IKZF2: variants seen among roughly 807,000 people sequenced by gnomAD.
IKZF2 encodes the protein IKAROS family zinc finger 2.
Under a neutral mutation model 49.2 loss-of-function variants are expected in IKZF2, and 15 were observed. The observed-to-expected ratio is 0.30, with a 90% CI of 0.20 to 0.47. IKZF2 has a LOEUF of 0.47. Among genes scored for constraint, IKZF2 ranks in the 20% least tolerant of loss-of-function variants. The pLI is 1.00. For synonymous variants in IKZF2, 227 were observed against 221.4 expected (o/e 1.03, Z -0.23); for missense variants, 567 against 664.6 (o/e 0.85, Z 1.61).
chr2:213,036,447 T>C (rs1376835462), intron 6 of IKZF2, among the ~76,000 whole-genome samples: 1 of 152,192 alleles, frequency 6.6e-6, no homozygotes, highest in Admixed American at 6.5e-5. Context: ...ACTTATCATG[T>C]ACTAGGAAAC....
intron 6 of IKZF2, among the ~76,000 whole-genome samples, chr2:213,023,296 T>C (rs1228625724): frequency 6.6e-6 from 1 of 152,224 alleles, no homozygotes; most frequent in African/African-American, 2.4e-5. Flanking sequence ...AAGGTATTCA[T>C]GGCTGCCTGA....
rs16849733 is a variant in IKZF2, at chr2:213,105,858, G to T, written c.139+41850C>A. ...GCTCAATGCTTAACCAGACTCTTCT[G>T]GAAAACTTTTGTTATTTCGCTGTAA... On this transcript the variant is annotated intron_variant, in intron 4 of 8. Coordinates refer to ENST00000434687, the MANE Select transcript of IKZF2 (RefSeq NM_001387220.1). Among the ~76,000 whole-genome samples, 534 of 152,194 alleles carry T rather than the reference G, an allele frequency of 3.5e-3. 1 individual carries two copies. Among genetic ancestry groups the T allele is most frequent in the African/African-American group, 0.012 (490 of 41,528 alleles).
chr2:213,108,281 A>T (rs1012807628), intron 4 of IKZF2, among the ~76,000 whole-genome samples: 14 of 152,220 alleles, frequency 9.2e-5, no homozygotes, highest in Admixed American at 5.9e-4. Context: ...TACAAATTTT[A>T]AAAAATTTCT....
intron 4 of IKZF2, among the ~76,000 whole-genome samples, chr2:213,090,290 A>G (rs1705155650): frequency 6.6e-6 from 1 of 152,300 alleles, no homozygotes; most frequent in African/African-American, 2.4e-5. Context: ...AGTCAGAACT[A>G]TCTCAATCTG....
In IKZF2 at chr2:213,008,104, G is replaced by T; in HGVS notation, c.857-20C>A. 1 of 1,459,638 alleles carries T rather than the reference G, an allele frequency of 6.9e-7. No individual in the cohort carries two copies. Among genetic ancestry groups the T allele is most frequent in the Non-Finnish European group, 9.1e-7 (1 of 1,104,876 alleles). The allele number at this position is 1,459,638 out of a possible 1,614,324, so 90.4% of individuals were successfully genotyped here. A position where few individuals can be genotyped will look rare whatever the true frequency, so the allele number is the denominator to read the frequency against. On this transcript the variant is annotated intron_variant, in intron 8 of 8. Coordinates refer to ENST00000434687, the MANE Select transcript of IKZF2 (RefSeq NM_001387220.1). ...TTTCCCCTGGAAGGGAGTGGGAGGTGAAAGAAGTAAAAAAAAAAAAAAAAT... is the reference window on the plus strand; with the variant it reads ...TTTCCCCTGGAAGGGAGTGGGAGGTTAAAGAAGTAAAAAAAAAAAAAAAAT...
At chr2:213,051,387 T>C (rs1234517098) in intron 5 of IKZF2, among the ~76,000 whole-genome samples, 1 of 151,910 alleles carries the variant, frequency 6.6e-6, no homozygotes. Flanking sequence ...GGTTTTTTCT[T>C]AAGAAATCTG....
chr2:213,142,103 T>C (rs2060895924), intron 4 of IKZF2, among the ~76,000 whole-genome samples: 1 of 151,950 alleles, frequency 6.6e-6, no homozygotes, highest in African/African-American at 2.4e-5. Context: ...GTTACTCTAT[T>C]AAGGGAATTT....
intron 4 of IKZF2, among the ~76,000 whole-genome samples, chr2:213,062,859 T>C (rs1701834897): frequency 6.6e-6 from 1 of 152,040 alleles, no homozygotes; most frequent in Non-Finnish European, 1.5e-5. Flanking sequence ...TAAATCCATG[T>C]TAATATCCCA....
chr2:213,054,878 T>C (rs1312785782), intron 5 of IKZF2, among the ~76,000 whole-genome samples: 2 of 152,168 alleles, frequency 1.3e-5, no homozygotes, highest in Non-Finnish European at 2.9e-5. Context: ...AATTCAACTC[T>C]ACCACACTAG....
rs568024055 is a variant in IKZF2, at chr2:213,147,795, G to A, written c.52C>T (p.Pro18Ser). 8.0e-5 allele frequency: 129 copies of A among 1,613,156 alleles called. 1 individual carries two copies. In the Middle Eastern group the frequency reaches 8.3e-4, roughly 10 times the overall value. The change falls in exon 4 of 9, where the codon CCC becomes TCC. Residue 18 changes from proline (P) to serine (S), a missense_variant. Around this residue, in one of 5 missense-constraint regions of IKZF2, gnomAD observed 156 missense variants for 138.5 expected, o/e 1.13. Coordinates refer to ENST00000434687, the MANE Select transcript of IKZF2 (RefSeq NM_001387220.1). ...GCCATATTGGAGTGCTCCCTTTCGG[G>A]TGAAAGCTCATTGTCACCTGCTTTC... is the stretch of plus-strand genomic sequence containing the variant. ...GYITCDNELS[P>S]EREHSNMAID... is the part of the protein sequence containing the mutation.
At chr2:213,040,737 A>C (rs1574590230) in intron 6 of IKZF2, among the ~76,000 whole-genome samples, 1 of 152,244 alleles carries the variant, frequency 6.6e-6, no homozygotes, top group East Asian at 1.9e-4. Flanking sequence ...TAAGAATGAA[A>C]GAACTATAAT....
intron 4 of IKZF2, among the ~76,000 whole-genome samples, chr2:213,144,073 C>T (rs564719531): frequency 2.3e-4 from 35 of 151,916 alleles, no homozygotes; most frequent in African/African-American, 6.5e-4. Flanking sequence ...ACTTCTGCTT[C>T]GCTAGGTTCT....
intron 4 of IKZF2, among the ~76,000 whole-genome samples, chr2:213,131,362 T>C (rs959974635): frequency 1.4e-4 from 21 of 152,194 alleles, no homozygotes; most frequent in African/African-American, 4.1e-4. Flanking sequence ...GTCATTTTCA[T>C]GTATATCTAC....
intron 4 of IKZF2, among the ~76,000 whole-genome samples, chr2:213,112,292 G>A (rs937880410): frequency 7.7e-6 from 1 of 130,600 alleles, no homozygotes; most frequent in Non-Finnish European, 1.8e-5. Flanking sequence ...AAGGTATTGA[G>A]ATTGTGTAGT....
chr2:213,004,165 T>C lies in IKZF2; in HGVS notation c.*3195A>G, dbSNP rs982986429. On this transcript the variant is annotated 3_prime_UTR_variant, in exon 9 of 9. Coordinates refer to ENST00000434687, the MANE Select transcript of IKZF2 (RefSeq NM_001387220.1). ...AATTCTCTTTAAAAGAATGTGTGTG[T>C]AGTATACACACACATATACCCTATG... is the stretch of plus-strand genomic sequence containing the variant. 6.6e-6 allele frequency: 1 copy of C among 151,874 alleles called. No homozygotes were observed. The highest frequency in any genetic ancestry group is 2.4e-5 in the African/African-American group (1 of 41,424). 9.4% of individuals were successfully genotyped at this position (151,874 alleles called of 1,614,324 possible).
intron 4 of IKZF2, among the ~76,000 whole-genome samples, chr2:213,125,017 A>G (rs779320843): frequency 6.6e-6 from 1 of 152,198 alleles, no homozygotes; most frequent in Non-Finnish European, 1.5e-5. Context: ...GAATGGCTAT[A>G]TGGATGACAA....
chr2:213,150,288 T>C (rs1250805872), intron 1 of IKZF2, 41 bp from the exon 2 acceptor site: 3 of 776,226 alleles, frequency 3.9e-6, no homozygotes, highest in Non-Finnish European at 5.9e-6. Flanking sequence ...GTTTTTTGTG[T>C]TTCCCCCTTC....
At chr2:213,118,046 TA>T (rs749925622) in intron 4 of IKZF2, among the ~76,000 whole-genome samples, 1 of 152,072 alleles carries the variant, frequency 6.6e-6, no homozygotes, top group Non-Finnish European at 1.5e-5. Context: ...GCATTCTCAT[TA>T]AAAAAAGAGA....
chr2:213,142,928 A>G (rs976441801), intron 4 of IKZF2, among the ~76,000 whole-genome samples: 2 of 151,978 alleles, frequency 1.3e-5, no homozygotes, highest in Non-Finnish European at 2.9e-5. Flanking sequence ...CCATCCCTAA[A>G]TATTCCTTAC....
Sources: allele counts gnomAD v4.1 joint callset (sites outside exome capture counted in the v4.1 genomes callset), GRCh38; gene constraint gnomAD v4.1.1; regional missense constraint gnomAD v4.1.1; transcripts MANE v1.5; gene names NCBI Gene and HGNC (gene_info 2026-07-23, HGNC 2026-07-21).